RORA: variants seen among roughly 807,000 people sequenced by gnomAD.
RORA encodes RAR related orphan receptor A, also known as nuclear receptor ROR-alpha.
In RORA, 7 loss-of-function variants were observed where a neutral mutation model predicts 69.5. The observed-to-expected ratio is 0.10, with a 90% CI of 0.06 to 0.19. The LOEUF is 0.19. RORA is among the 10% of genes least tolerant of loss of function. The probability of loss-of-function intolerance (pLI) is 1.00; values close to 1 mark genes in which losing one functional copy is unlikely to be tolerated. For synonymous variants in RORA, 261 were observed against 240.8 expected, an observed-to-expected ratio of 1.08 and a Z score of -0.78; for missense variants, 457 against 663.0, an observed-to-expected ratio of 0.69 and a Z score of 3.41.
At chr15:60,813,146 G>A (rs75866172) in intron 1 of RORA, among the ~76,000 whole-genome samples, 9,609 of 152,206 alleles carry the variant, frequency 0.063, 386 homozygotes, top group Admixed American at 0.092. Context: ...GAAGAACTAG[G>A]ACTTGTATCC....
intron 1 of RORA, among the ~76,000 whole-genome samples, chr15:60,922,459 T>A (rs1892077180): frequency 6.6e-6 from 1 of 152,168 alleles, no homozygotes; most frequent in Non-Finnish European, 1.5e-5. Flanking sequence ...TCTGTGAACC[T>A]CAAACTGCTC....
At chr15:60,514,543 G>T in intron 4 of RORA, 73 bp downstream of exon 4, 1 of 1,451,856 alleles carries the variant, frequency 6.9e-7, no homozygotes, top group Non-Finnish European at 9.6e-7. Flanking sequence ...GATATTGGCA[G>T]ATCTGAGTCC....
At chr15:60,796,835 A>G (rs1372869031) in intron 1 of RORA, among the ~76,000 whole-genome samples, 1 of 152,024 alleles carries the variant, frequency 6.6e-6, no homozygotes, top group Non-Finnish European at 1.5e-5. Flanking sequence ...CATTCATACA[A>G]AAGAATATTA....
At chr15:60,910,910 T>G (rs1287006196) in intron 1 of RORA, among the ~76,000 whole-genome samples, 1 of 149,482 alleles carries the variant, frequency 6.7e-6, no homozygotes, top group Non-Finnish European at 1.5e-5. Flanking sequence ...TTGGGTTTTT[T>G]TTTTTTTTTT....
chr15:60,567,287 A>G (rs893140113), intron 2 of RORA, among the ~76,000 whole-genome samples: 2 of 151,742 alleles, frequency 1.3e-5, no homozygotes, highest in Non-Finnish European at 2.9e-5. Context: ...TGTGCCGTCC[A>G]GCGGTCCAAG....
At chr15:61,050,508 C>G (rs1021822681) in intron 1 of RORA, among the ~76,000 whole-genome samples, 1 of 152,166 alleles carries the variant, frequency 6.6e-6, no homozygotes, top group African/African-American at 2.4e-5. Context: ...TCTATATGGT[C>G]TCTGTCTTCA....
At chr15:60,664,039 T>TATCA (rs2070345530) in intron 2 of RORA, among the ~76,000 whole-genome samples, 1 of 152,194 alleles carries the variant, frequency 6.6e-6, no homozygotes, top group Non-Finnish European at 1.5e-5. Flanking sequence ...AAGAGAAACG[T>TATCA]ATCAACAGAA....
At position 60,564,752 on chromosome 15, in the gene RORA, A is replaced by G. The variant is rs576336015; in HGVS notation, c.197-32901T>C. 3.9e-5 allele frequency among the ~76,000 whole-genome samples: 6 copies of G among 152,308 alleles called. No individual in the cohort carries two copies. The South Asian group carries it at 1.2e-3, about 32-fold the overall frequency. On this transcript the variant is annotated intron_variant, in intron 2 of 10. Transcript: ENST00000335670. ...GATAGGGAATCTGAGAAAACCCTAGATTAAAAGTATTTTATCAGCGCAAAA... is the reference window on the plus strand; with the variant it reads ...GATAGGGAATCTGAGAAAACCCTAGGTTAAAAGTATTTTATCAGCGCAAAA...
chr15:61,167,260 T>G (rs1008081925), intron 1 of RORA, among the ~76,000 whole-genome samples: 4 of 152,190 alleles, frequency 2.6e-5, no homozygotes, highest in Non-Finnish European at 5.9e-5. Flanking sequence ...ATTACAAATC[T>G]CAAAGCTATT....
At chr15:61,062,446 G>A (rs549633013) in intron 1 of RORA, among the ~76,000 whole-genome samples, 6 of 152,206 alleles carry the variant, frequency 3.9e-5, no homozygotes, top group African/African-American at 7.2e-5. Flanking sequence ...GAGCAGAGCC[G>A]GACGCCAGGC....
chr15:60,515,957 TTATATTTA>T (rs1458079454), intron 3 of RORA, among the ~76,000 whole-genome samples: 2 of 17,586 alleles, frequency 1.1e-4, no homozygotes, highest in Non-Finnish European at 1.9e-4. Context: ...ATTTATATAT[TTATATTTA>T]TATATATTTA....
chr15:60,655,159 C>G (rs2070201492), intron 2 of RORA, among the ~76,000 whole-genome samples: 1 of 151,968 alleles, frequency 6.6e-6, no homozygotes, highest in South Asian at 2.1e-4. Flanking sequence ...TTCATGGCAA[C>G]TTTTTAAATT....
At chr15:60,990,802 A>G (rs1055754075) in intron 1 of RORA, among the ~76,000 whole-genome samples, 2 of 152,206 alleles carry the variant, frequency 1.3e-5, no homozygotes, top group African/African-American at 4.8e-5. Context: ...CATTTACTCA[A>G]TATTTGAGGG....
At position 61,180,846 on chromosome 15, in the gene RORA, C is replaced by A. The variant is rs1307586574; in HGVS notation, c.166+48207G>T. 2.0e-5 allele frequency among the ~76,000 whole-genome samples: 3 copies of A among 152,172 alleles called. No individual in the cohort carries two copies. The East Asian group carries it at 5.8e-4, about 29-fold the overall frequency. On this transcript the variant is annotated intron_variant, in intron 1 of 10. Transcript: ENST00000335670. ...AGGCGTGGTGGCTCACACCTGTAAT[C>A]CCAGAACTTTGGGAGGCCAAAGCAG... is the stretch of plus-strand genomic sequence containing the variant.
At chr15:61,059,988 G>GGAAGAAGGA (rs2078156018) in intron 1 of RORA, among the ~76,000 whole-genome samples, 1 of 85,910 alleles carries the variant, frequency 1.2e-5, no homozygotes, top group African/African-American at 5.1e-5. Flanking sequence ...AAGAGGAAGA[G>GGAAGAAGGA]GAAGAAGAAG....
At position 60,924,250 on chromosome 15, in the gene RORA, G is replaced by C. The variant is rs116697911; in HGVS notation, c.167-245564C>G. Among the ~76,000 whole-genome samples the C allele has an allele frequency of 8.2e-3, 1,237 of 151,358 alleles. 26 individuals carry two copies. The highest frequency in any genetic ancestry group is 0.029 in the African/African-American group (1,185 of 41,156). On this transcript the variant is annotated intron_variant, in intron 1 of 10. Coordinates refer to ENST00000335670, the MANE Select transcript of RORA (RefSeq NM_134261.3). Reference sequence around the variant, plus strand: ...AATATAGGTGCTGGGAGAACGGAAGGAAGGGGTTGAGTTACATTTATTCAG... The same window carrying C: ...AATATAGGTGCTGGGAGAACGGAAGCAAGGGGTTGAGTTACATTTATTCAG...
At chr15:60,777,911 C>G (rs1166997843) in intron 1 of RORA, among the ~76,000 whole-genome samples, 1 of 152,212 alleles carries the variant, frequency 6.6e-6, no homozygotes, top group Non-Finnish European at 1.5e-5. Context: ...ACGGTTGCCT[C>G]ACAAAAGCAC....
At chr15:60,886,770 G>A (rs12913421) in intron 1 of RORA, among the ~76,000 whole-genome samples, 31,898 of 152,154 alleles carry the variant, frequency 0.21, 4,040 homozygotes, top group Non-Finnish European at 0.28. Flanking sequence ...CCTCATCCAG[G>A]TTTTGCAATG....
At chr15:60,808,831 A>T (rs1440924074) in intron 1 of RORA, among the ~76,000 whole-genome samples, 2 of 152,024 alleles carry the variant, frequency 1.3e-5, no homozygotes, top group East Asian at 3.9e-4. Context: ...GGAATGAAAT[A>T]ATGGTGTTTG....
Sources: gnomAD v4.1 joint callset for allele counts (sites outside exome capture counted in the v4.1 genomes callset) on GRCh38, gnomAD v4.1.1 for gene constraint, MANE v1.5 for transcripts, NCBI Gene and HGNC (gene_info 2026-07-23, HGNC 2026-07-21) for gene names.